CKAP5: variants seen among roughly 807,000 people sequenced by gnomAD.
The protein encoded by CKAP5 is cytoskeleton associated protein 5, also known as cytoskeleton-associated protein 5.
A neutral mutation model predicts 232.8 loss-of-function variants in CKAP5; 27 were observed. That is an observed-to-expected ratio of 0.12 (90% CI 0.09 to 0.16). The LOEUF is 0.16. Ranked by LOEUF, CKAP5 falls within the 10% of genes least tolerant of loss-of-function variation. The pLI, the probability that CKAP5 is intolerant of heterozygous loss-of-function variation, is 1.00. For missense variants in CKAP5, 1,838 were observed against 2,424.7 expected, an observed-to-expected ratio of 0.76 and a Z score of 5.08; for synonymous variants, 785 against 841.1, an observed-to-expected ratio of 0.93 and a Z score of 1.16.
chr11:46,744,406 C>A lies in CKAP5; in HGVS notation c.5856+20G>T, dbSNP rs145899000. 2.8e-5 allele frequency: 46 copies of A among 1,614,128 alleles called. No homozygotes were observed. In the African/African-American group the frequency reaches 4.7e-4, roughly 16 times the overall value. On this transcript the variant is annotated intron_variant, in intron 43 of 43. Coordinates refer to ENST00000529230, the MANE Select transcript of CKAP5 (RefSeq NM_001008938.4). The stretch of plus-strand genomic sequence containing the variant: ...TTGTGACTACCCTCCCTGAACTGCA[C>A]AGAAGAAAAGGAGCAGTACCTTTGT...
chr11:46,806,075 T>G (rs1485411243), intron 8 of CKAP5, among the ~76,000 whole-genome samples: 1 of 152,248 alleles, frequency 6.6e-6, no homozygotes, highest in African/African-American at 2.4e-5. Flanking sequence ...AAATTCAGTT[T>G]CTTTTTACTT....
intron 8 of CKAP5, chr11:46,802,128 T>C (rs1939044026): frequency 6.6e-6 from 1 of 152,218 alleles, no homozygotes. Flanking sequence ...CTGAGGGAGC[T>C]TCTGGCCTTG....
intron 1 of CKAP5, among the ~76,000 whole-genome samples, chr11:46,844,773 C>G (rs888618459): frequency 1.3e-5 from 2 of 151,880 alleles, no homozygotes; most frequent in African/African-American, 4.8e-5. Context: ...TCCCGAGTAG[C>G]TAGGATTACA....
At chr11:46,754,830 G>T in intron 36 of CKAP5, 58 bp downstream of exon 36, 2 of 1,472,888 alleles carry the variant, frequency 1.4e-6, no homozygotes, top group South Asian at 1.3e-5. Flanking sequence ...TCTGGCTTTT[G>T]AACCTCTGTA....
intron 20 of CKAP5, among the ~76,000 whole-genome samples, chr11:46,779,187 G>A (rs2065317404): frequency 6.6e-6 from 1 of 152,108 alleles, no homozygotes; most frequent in African/African-American, 2.4e-5. Context: ...AGGCTGGAGT[G>A]CAGTGGCATG....
At chr11:46,783,894 C>T (rs868500550) in intron 17 of CKAP5, among the ~76,000 whole-genome samples, 2 of 151,374 alleles carry the variant, frequency 1.3e-5, no homozygotes, top group African/African-American at 2.4e-5. Flanking sequence ...TTGGTAGAGA[C>T]GGGATTTCAC....
chr11:46,798,222 A>C (rs1319726998), intron 9 of CKAP5, 50 bp from the exon 10 acceptor site: 1 of 1,225,384 alleles, frequency 8.2e-7, no homozygotes, highest in East Asian at 2.3e-5. Flanking sequence ...GAGGAATGAT[A>C]TATTGATATA....
intron 40 of CKAP5, 128 bp from the exon 41 acceptor site, chr11:46,750,739 T>C: frequency 1.4e-6 from 1 of 696,486 alleles, no homozygotes; most frequent in South Asian, 1.8e-5. Flanking sequence ...AGATAACAGA[T>C]GCACCGATGA....
At position 46,778,200 on chromosome 11, in the gene CKAP5, G is replaced by A. The variant is rs368952412; in HGVS notation, c.2687C>T (p.Pro896Leu). 75 of 1,613,866 alleles carry A rather than the reference G, an allele frequency of 4.6e-5. No individual in the cohort carries two copies. Among genetic ancestry groups the A allele is most frequent in the Non-Finnish European group, 6.0e-5 (71 of 1,179,938 alleles). ...GGCAGTTGGAAGTTCACCTATATTC[G>A]GTTGGATAAATTTTGCGTCATTAAT... The part of the protein sequence containing the change: ...GIINDAKFIQ[P>L]NIGELPTALK... Residue 896 changes from proline (P) to leucine (L), a missense_variant, in exon 22 of 44, where the codon CCG (proline) becomes CTG (leucine). By Grantham distance (98) the Pro-to-Leu change is moderately conservative. Around this residue, in one of 6 missense-constraint regions of CKAP5, gnomAD observed 767 missense variants for 954.6 expected, o/e 0.80. Transcript: ENST00000529230.
intron 40 of CKAP5, 42 bp from the exon 41 acceptor site, chr11:46,750,653 G>C: frequency 6.7e-7 from 1 of 1,487,422 alleles, no homozygotes; most frequent in African/African-American, 1.4e-5. Context: ...TTAGACTTGA[G>C]TTATTAATTA....
intron 24 of CKAP5, among the ~76,000 whole-genome samples, chr11:46,775,156 C>T (rs779849898): frequency 1.3e-5 from 2 of 152,270 alleles, no homozygotes; most frequent in Non-Finnish European, 2.9e-5. Context: ...AAACAAACAA[C>T]CCCATCAAAA....
chr11:46,782,816 T>A (rs963213000), intron 18 of CKAP5, among the ~76,000 whole-genome samples: 4 of 152,210 alleles, frequency 2.6e-5, no homozygotes, highest in African/African-American at 9.6e-5. Context: ...TGGGATAAAG[T>A]AAACTGTATA....
At chr11:46,752,807 T>A in intron 37 of CKAP5, 97 bp from the exon 38 acceptor site, 1 of 841,742 alleles carries the variant, frequency 1.2e-6, no homozygotes, top group Non-Finnish European at 1.9e-6. Flanking sequence ...TCTATTCATC[T>A]AATAAACTGA....
chr11:46,761,176 G>A (rs1168407812), intron 32 of CKAP5, among the ~76,000 whole-genome samples: 1 of 150,664 alleles, frequency 6.6e-6, no homozygotes, highest in African/African-American at 2.5e-5. Flanking sequence ...TTGAGCCTGG[G>A]AGGTCGAGGC....
chr11:46,759,974 G>T (rs2065141580), intron 33 of CKAP5, among the ~76,000 whole-genome samples: 1 of 152,158 alleles, frequency 6.6e-6, no homozygotes, highest in Non-Finnish European at 1.5e-5. Context: ...TTACATCCAA[G>T]AAATAGGGAT....
Position 46,840,284 on chromosome 11 carries a change from ATTGT to A in CKAP5, c.-38+5932_-38+5935del, listed in dbSNP as rs368614117. On this transcript the variant is annotated intron_variant, in intron 1 of 43. Coordinates refer to ENST00000529230, the MANE Select transcript of CKAP5 (RefSeq NM_001008938.4). ...CAGAAACTATAATTTGCTACAGTAA[ATTGT>A]TTGACAGATAAAACTGTCAAACTCC... Among the ~76,000 whole-genome samples, 168 of 152,312 alleles carry A rather than the reference ATTGT, an allele frequency of 1.1e-3. 1 individual carries two copies. Among genetic ancestry groups the A allele is most frequent in the African/African-American group, 4.0e-3 (167 of 41,572 alleles).
chr11:46,800,709 T>A (rs1939006305), intron 9 of CKAP5, among the ~76,000 whole-genome samples: 1 of 152,230 alleles, frequency 6.6e-6, no homozygotes, highest in Non-Finnish European at 1.5e-5. Context: ...TATAACATTG[T>A]AACCTATATA....
At chr11:46,788,875 G>A in intron 15 of CKAP5, 102 bp from the exon 16 acceptor site, 1 of 794,226 alleles carries the variant, frequency 1.3e-6, no homozygotes, top group Non-Finnish European at 2.1e-6. Flanking sequence ...GAAGAAAGGA[G>A]TGGAATAGAA....
At position 46,790,367 on chromosome 11, in the gene CKAP5, T is replaced by C. The variant is rs1222613940; in HGVS notation, c.1764+103A>G. 9 of 917,342 alleles carry C rather than the reference T, an allele frequency of 9.8e-6. 1 individual carries two copies. Among genetic ancestry groups the C allele is most frequent in the South Asian group, 3.2e-5 (2 of 62,586 alleles). The allele number at this position is 917,342 out of a possible 1,614,324, so 56.8% of individuals were successfully genotyped here. On this transcript the variant is annotated intron_variant, in intron 14 of 43. Transcript: ENST00000529230. ...GGCAGTTTCAATAAGCTAAAAAATA[T>C]CAATTAACTGTACGTTGTAGAACCC...
Sources: allele counts gnomAD v4.1 joint callset (sites outside exome capture counted in the v4.1 genomes callset), GRCh38; gene constraint gnomAD v4.1.1; regional missense constraint gnomAD v4.1.1; transcripts MANE v1.5; gene names NCBI Gene and HGNC (gene_info 2026-07-23, HGNC 2026-07-21).